The following NAALADL2 variants were observed in gnomAD, a reference collection of about 807,000 sequenced individuals.
NAALADL2 encodes the protein N-acetylated alpha-linked acidic dipeptidase like 2, also known as inactive N-acetylated-alpha-linked acidic dipeptidase-like protein 2.
NAALADL2 carries 76 observed loss-of-function variants against 87.2 expected under a neutral mutation model. The ratio of observed to expected loss-of-function variants is 0.87; its 90% confidence interval spans 0.72 to 1.05. The LOEUF (loss-of-function observed/expected upper bound fraction) is 1.05. Among genes scored for constraint, NAALADL2 ranks in the 50% least tolerant of loss-of-function variants. NAALADL2 has a pLI of 0.00. For missense variants in NAALADL2, 1,089 were observed against 945.8 expected (o/e 1.15, Z -1.99); for synonymous variants, 354 against 331.0 (o/e 1.07, Z -0.75).
Position 175,154,180 on chromosome 3 carries a change from G to T in NAALADL2, c.545+56889G>T, listed in dbSNP as rs78475124. Among the ~76,000 whole-genome samples, 830 of 152,100 alleles carry T rather than the reference G, an allele frequency of 5.5e-3. 7 individuals carry two copies. The highest frequency in any genetic ancestry group is 0.019 in the African/African-American group (801 of 41,490). ...CATATACCTATTTTTCATATCTGAGGCTGCCTTTAATGATTTCAAAGAGAT... is the reference window on the plus strand; with the variant it reads ...CATATACCTATTTTTCATATCTGAGTCTGCCTTTAATGATTTCAAAGAGAT... On this transcript the variant is annotated intron_variant, in intron 2 of 13. Coordinates refer to ENST00000454872, the MANE Select transcript of NAALADL2 (RefSeq NM_207015.3).
In NAALADL2 at chr3:175,508,622, C is replaced by T. The variant is rs1188145076; in HGVS notation, c.1653+36864C>T. Among the ~76,000 whole-genome samples the T allele has an allele frequency of 2.6e-5, 4 of 152,250 alleles. No homozygotes were observed. The South Asian group carries it at 8.3e-4, about 32-fold the overall frequency. ...TTTATTTTCTTTTCCTCTTGCTTATCTAGCCAGTCACCAAGTCCCATACAT... is the reference window on the plus strand; with the variant it reads ...TTTATTTTCTTTTCCTCTTGCTTATTTAGCCAGTCACCAAGTCCCATACAT... On this transcript the variant is annotated intron_variant, in intron 9 of 13. Coordinates refer to ENST00000454872, the MANE Select transcript of NAALADL2 (RefSeq NM_207015.3).
chr3:174,537,554 A>T (rs1447010317), intron 1 of NAALADL2, among the ~76,000 whole-genome samples: 10 of 152,196 alleles, frequency 6.6e-5, no homozygotes, highest in Admixed American at 6.6e-4. Flanking sequence ...GAGGAGTTTA[A>T]AGTCTAGTGA....
intron 3 of NAALADL2, among the ~76,000 whole-genome samples, chr3:174,841,317 A>G (rs1723999466): frequency 2.0e-5 from 3 of 152,166 alleles, no homozygotes; most frequent in South Asian, 2.1e-4. Context: ...TATTAAGTGA[A>G]AAGAATAGAA....
chr3:174,756,108 C>G (rs1712031089), intron 3 of NAALADL2, among the ~76,000 whole-genome samples: 1 of 152,176 alleles, frequency 6.6e-6, no homozygotes, highest in Non-Finnish European at 1.5e-5. Context: ...GAATTTTAGC[C>G]TTGTCTGTAT....
At chr3:175,071,780 G>A (rs541277031) in intron 1 of NAALADL2, among the ~76,000 whole-genome samples, 1 of 148,846 alleles carries the variant, frequency 6.7e-6, no homozygotes, top group African/African-American at 2.5e-5. Context: ...AGAAACAAAG[G>A]ATATTAAAAA....
intron 1 of NAALADL2, among the ~76,000 whole-genome samples, chr3:174,914,609 A>G (rs1734131288): frequency 6.6e-6 from 1 of 152,218 alleles, no homozygotes. Context: ...GACATAATCT[A>G]TCAGTTAGAA....
At chr3:175,684,857 G>C (rs1736059416) in intron 11 of NAALADL2, among the ~76,000 whole-genome samples, 1 of 152,066 alleles carries the variant, frequency 6.6e-6, no homozygotes, top group South Asian at 2.1e-4. Flanking sequence ...AAATCTTTGA[G>C]TAAAATATGA....
chr3:175,368,022 T>A (rs897010309), intron 5 of NAALADL2, among the ~76,000 whole-genome samples: 1 of 152,174 alleles, frequency 6.6e-6, no homozygotes, highest in Non-Finnish European at 1.5e-5. Flanking sequence ...TATTTTGAGA[T>A]ACATCCCATC....
chr3:175,179,558 T>C (rs1373712025), intron 2 of NAALADL2, among the ~76,000 whole-genome samples: 1 of 152,014 alleles, frequency 6.6e-6, no homozygotes, highest in African/African-American at 2.4e-5. Context: ...TATTTCTTCA[T>C]AATATGAATA....
At chr3:175,198,745 A>G (rs1248643332) in intron 2 of NAALADL2, among the ~76,000 whole-genome samples, 1 of 151,934 alleles carries the variant, frequency 6.6e-6, no homozygotes, top group Non-Finnish European at 1.5e-5. Flanking sequence ...AAATACTTTC[A>G]AGCTAAAGTA....
At chr3:175,153,966 G>T (rs1731932432) in intron 2 of NAALADL2, among the ~76,000 whole-genome samples, 1 of 152,076 alleles carries the variant, frequency 6.6e-6, no homozygotes, top group African/African-American at 2.4e-5. Context: ...AAAGCAATTA[G>T]ACTTTTTCTA....
chr3:174,885,358 C>T (rs1221324833), intron 1 of NAALADL2, among the ~76,000 whole-genome samples: 2 of 152,050 alleles, frequency 1.3e-5, no homozygotes, highest in African/African-American at 2.4e-5. Flanking sequence ...CTTCTGAAGC[C>T]GGGAGAAGAA....
At chr3:174,979,706 T>G (rs1579837266) in intron 1 of NAALADL2, among the ~76,000 whole-genome samples, 1 of 144,084 alleles carries the variant, frequency 6.9e-6, no homozygotes, top group Non-Finnish European at 1.5e-5. Flanking sequence ...TTTTATTACC[T>G]AAAAAACAGA....
At position 175,595,020 on chromosome 3, in the gene NAALADL2, A is replaced by G. The variant is rs181958950; in HGVS notation, c.1800+18833A>G. ...TTAGTTTAACTGGCTCCCACATGTC[A>G]GTTTTTGTTTTCTTGTAATTACTTT... On this transcript the variant is annotated intron_variant, in intron 10 of 13. Transcript: ENST00000454872. Among the ~76,000 whole-genome samples, 147 of 152,074 alleles carry G rather than the reference A, an allele frequency of 9.7e-4. 3 individuals carry two copies. The East Asian group carries it at 0.025, about 26-fold the overall frequency.
At chr3:175,571,146 T>C (rs1718022779) in intron 9 of NAALADL2, among the ~76,000 whole-genome samples, 1 of 152,192 alleles carries the variant, frequency 6.6e-6, no homozygotes, top group African/African-American at 2.4e-5. Context: ...ATTGACTTAA[T>C]TTTTTTATCT....
At chr3:175,180,659 A>G (rs563130136) in intron 2 of NAALADL2, among the ~76,000 whole-genome samples, 2 of 146,180 alleles carry the variant, frequency 1.4e-5, no homozygotes, top group Admixed American at 1.4e-4. Context: ...AAGAGGACTT[A>G]CAACATTTCT....
At chr3:174,840,169 A>T (rs917735591) in intron 3 of NAALADL2, among the ~76,000 whole-genome samples, 8 of 151,578 alleles carry the variant, frequency 5.3e-5, no homozygotes. Context: ...ATATATCTAT[A>T]TATGAGATGT....
intron 11 of NAALADL2, among the ~76,000 whole-genome samples, chr3:175,667,743 G>GTTTT (rs58514374): frequency 1.0e-4 from 12 of 120,038 alleles, no homozygotes; most frequent in Admixed American, 2.6e-4. Context: ...GTTTTTTGCT[G>GTTTT]TTTTTTTTTT....
intron 1 of NAALADL2, among the ~76,000 whole-genome samples, chr3:175,051,307 T>C (rs931648589): frequency 6.6e-6 from 1 of 152,214 alleles, no homozygotes; most frequent in South Asian, 2.1e-4. Flanking sequence ...CCATTTATTA[T>C]GTCAGTTTCC....
Sources: allele counts gnomAD v4.1 joint callset (sites outside exome capture counted in the v4.1 genomes callset), GRCh38; gene constraint gnomAD v4.1.1; transcripts MANE v1.5; gene names NCBI Gene and HGNC (gene_info 2026-07-23, HGNC 2026-07-21).